Variants in SUSD6 observed in about 807,000 individuals in gnomAD.
SUSD6 encodes the protein sushi domain containing 6.
A neutral mutation model predicts 28.4 loss-of-function variants in SUSD6; 16 were observed. The ratio of observed to expected loss-of-function variants is 0.56; its 90% CI spans 0.38 to 0.86. SUSD6 has a LOEUF of 0.86. Ranked by LOEUF, SUSD6 falls within the 40% of genes least tolerant of loss-of-function variation. SUSD6 has a pLI of 0.00. For missense variants in SUSD6, 341 were observed against 384.2 expected, an observed-to-expected ratio of 0.89 and a Z score of 0.94; for synonymous variants, 147 against 159.6, an observed-to-expected ratio of 0.92 and a Z score of 0.59.
At chr14:69,664,430 A>G (rs1031134901) in intron 2 of SUSD6, among the ~76,000 whole-genome samples, 3 of 152,218 alleles carry the variant, frequency 2.0e-5, no homozygotes, top group Non-Finnish European at 4.4e-5. Context: ...TTCCCAAAAC[A>G]TCCGCAAAGC....
chr14:69,692,804 G>C (rs1566605333), intron 2 of SUSD6, among the ~76,000 whole-genome samples: 2 of 152,162 alleles, frequency 1.3e-5, no homozygotes, highest in Admixed American at 1.3e-4. Context: ...TCCTAAGTCA[G>C]TTATCACCTG....
At chr14:69,623,958 G>A (rs1334037720) in intron 1 of SUSD6, among the ~76,000 whole-genome samples, 14 of 152,038 alleles carry the variant, frequency 9.2e-5, no homozygotes, top group Admixed American at 9.2e-4. Flanking sequence ...ATTTATAGAA[G>A]AAAAAATTTT....
intron 1 of SUSD6, among the ~76,000 whole-genome samples, chr14:69,614,627 C>G (rs892449159): frequency 6.6e-6 from 1 of 152,148 alleles, no homozygotes; most frequent in Non-Finnish European, 1.5e-5. Context: ...TTCTTCTGCC[C>G]TTTTTTCATA....
intron 1 of SUSD6, among the ~76,000 whole-genome samples, chr14:69,621,372 G>T (rs74060228): frequency 0.018 from 2,782 of 152,254 alleles, 83 homozygotes; most frequent in African/African-American, 0.063. Flanking sequence ...GTGTTAAAAA[G>T]CTGTTAACAT....
chr14:69,681,010 T>A (rs1259668315), intron 2 of SUSD6, among the ~76,000 whole-genome samples: 1 of 152,164 alleles, frequency 6.6e-6, no homozygotes, highest in African/African-American at 2.4e-5. Context: ...TTGGCCCCAG[T>A]TGTTTTGCAG....
intron 1 of SUSD6, among the ~76,000 whole-genome samples, chr14:69,648,821 C>CA (rs1441690521): frequency 6.6e-6 from 1 of 152,208 alleles, no homozygotes; most frequent in Admixed American, 6.5e-5. Context: ...TATAGACAGA[C>CA]AGACATTTTT....
intron 1 of SUSD6, among the ~76,000 whole-genome samples, chr14:69,639,064 G>A (rs919777371): frequency 4.6e-5 from 7 of 152,256 alleles, no homozygotes; most frequent in East Asian, 3.9e-4. Flanking sequence ...AGTGGCTCAC[G>A]CCTGTAATCC....
chr14:69,659,637 C>G (rs548669438), intron 2 of SUSD6, among the ~76,000 whole-genome samples: 1 of 152,306 alleles, frequency 6.6e-6, no homozygotes, highest in Admixed American at 6.5e-5. Context: ...CCTGCTTCAG[C>G]CTCCCGAGTA....
chr14:69,636,630 C>T (rs1253740674), intron 1 of SUSD6, among the ~76,000 whole-genome samples: 3 of 152,248 alleles, frequency 2.0e-5, no homozygotes, highest in African/African-American at 7.2e-5. Context: ...TTTCTGCCTC[C>T]TTTCCAGAAG....
intron 1 of SUSD6, among the ~76,000 whole-genome samples, chr14:69,629,843 G>A (rs183758722): frequency 6.6e-6 from 1 of 152,290 alleles, no homozygotes; most frequent in Admixed American, 6.5e-5. Context: ...AAATGATGGA[G>A]GCAGGTCTCT....
intron 2 of SUSD6, among the ~76,000 whole-genome samples, chr14:69,696,404 C>T (rs1886226207): frequency 6.6e-6 from 1 of 152,242 alleles, no homozygotes; most frequent in African/African-American, 2.4e-5. Context: ...CAGAACTATA[C>T]ATTTAAACAC....
At chr14:69,660,201 C>T (rs1294841643) in intron 2 of SUSD6, among the ~76,000 whole-genome samples, 1 of 152,180 alleles carries the variant, frequency 6.6e-6, no homozygotes, top group Non-Finnish European at 1.5e-5. Flanking sequence ...CTATCAGCTC[C>T]CACCACCCAC....
chr14:69,639,114 A>G (rs1885309698), intron 1 of SUSD6, among the ~76,000 whole-genome samples: 1 of 152,064 alleles, frequency 6.6e-6, no homozygotes, highest in African/African-American at 2.4e-5. Context: ...TCACAAGGTC[A>G]GGAGATTGAG....
intron 1 of SUSD6, chr14:69,617,517 A>G (rs886916572): frequency 6.6e-6 from 1 of 152,264 alleles, no homozygotes; most frequent in Non-Finnish European, 1.5e-5. Context: ...ACTCTCCAGT[A>G]GCATTGTTTC....
intron 1 of SUSD6, among the ~76,000 whole-genome samples, chr14:69,657,113 T>C: frequency 6.6e-6 from 1 of 152,298 alleles, no homozygotes; most frequent in Non-Finnish European, 1.5e-5. Flanking sequence ...TCAGTTACCC[T>C]CTTTAGGAGG....
chr14:69,654,363 T>A (rs1885547412), intron 1 of SUSD6, among the ~76,000 whole-genome samples: 1 of 152,168 alleles, frequency 6.6e-6, no homozygotes, highest in South Asian at 2.1e-4. Flanking sequence ...CTCAGCCTGG[T>A]GTGGTGAGAC....
intron 2 of SUSD6, among the ~76,000 whole-genome samples, chr14:69,663,324 A>G (rs925758829): frequency 2.6e-5 from 4 of 152,238 alleles, no homozygotes; most frequent in South Asian, 2.1e-4. Flanking sequence ...ACATCACACA[A>G]TCACCTAAAA....
chr14:69,660,541 G>A (rs967514768), intron 2 of SUSD6, among the ~76,000 whole-genome samples: 3 of 152,230 alleles, frequency 2.0e-5, no homozygotes, highest in South Asian at 2.1e-4. Context: ...CTTTCATAGG[G>A]TCACCCCAAA....
intron 1 of SUSD6, among the ~76,000 whole-genome samples, chr14:69,657,906 C>G (rs1885607565): frequency 6.6e-6 from 1 of 152,156 alleles, no homozygotes; most frequent in Admixed American, 6.5e-5. Context: ...ATGCCTCCCC[C>G]CGTCTCATCT....
Sources: gnomAD v4.1 joint callset for allele counts (sites outside exome capture counted in the v4.1 genomes callset) on GRCh38, gnomAD v4.1.1 for gene constraint, MANE v1.5 for transcripts, NCBI Gene and HGNC (gene_info 2026-07-23, HGNC 2026-07-21) for gene names.